Variants in CDH2 observed in about 807,000 individuals in gnomAD.
CDH2 encodes the protein cadherin 2.
Under a neutral mutation model 92.0 loss-of-function variants are expected in CDH2, and 17 were observed. That is an observed-to-expected ratio of 0.18 (90% confidence interval 0.13 to 0.28). The LOEUF (loss-of-function observed/expected upper bound fraction) is 0.28. CDH2 is among the 10% of genes least tolerant of loss of function. The pLI is 1.00. For missense variants in CDH2, 862 were observed against 1,133.1 expected (o/e 0.76, Z 3.44); for synonymous variants, 419 against 415.9 (o/e 1.01, Z -0.09).
At chr18:28,158,533 T>C (rs150251440) in intron 1 of CDH2, among the ~76,000 whole-genome samples, 5 of 152,302 alleles carry the variant, frequency 3.3e-5, no homozygotes, top group African/African-American at 1.2e-4. Context: ...CTTCATTCCA[T>C]GGGAAGGCAC....
chr18:27,941,907 G>T (rs1348355077), intron 6 of CDH2, among the ~76,000 whole-genome samples: 2 of 152,178 alleles, frequency 1.3e-5, no homozygotes, highest in Non-Finnish European at 2.9e-5. Context: ...TTCTTCCAGA[G>T]CTGGCAATTA....
At chr18:28,065,250 A>T (rs2144154732) in intron 2 of CDH2, among the ~76,000 whole-genome samples, 1 of 152,272 alleles carries the variant, frequency 6.6e-6, no homozygotes, top group South Asian at 2.1e-4. Context: ...GAGATGTGAC[A>T]AGATCTAAGC....
chr18:28,136,721 G>A (rs2015868339), intron 2 of CDH2, among the ~76,000 whole-genome samples: 1 of 152,050 alleles, frequency 6.6e-6, no homozygotes, highest in African/African-American at 2.4e-5. Flanking sequence ...GACTAATATG[G>A]TTGACTATCC....
chr18:28,038,146 G>A (rs2013873476), intron 2 of CDH2, among the ~76,000 whole-genome samples: 1 of 152,090 alleles, frequency 6.6e-6, no homozygotes. Context: ...TATGAGGGCT[G>A]GGTGCAGTGG....
At chr18:27,967,679 A>G (rs2011563555) in intron 14 of CDH2, among the ~76,000 whole-genome samples, 2 of 152,222 alleles carry the variant, frequency 1.3e-5, no homozygotes, top group African/African-American at 2.4e-5. Flanking sequence ...TTAATTGGCA[A>G]TCATCATTAA....
intron 7 of CDH2, among the ~76,000 whole-genome samples, chr18:27,999,491 T>C (rs916229376): frequency 6.6e-6 from 1 of 152,120 alleles, no homozygotes; most frequent in African/African-American, 2.4e-5. Context: ...TTATTAGGTT[T>C]GGAAAACAGG....
Position 27,990,454 on chromosome 18 carries a change from T to G in CDH2, c.1345-104A>C, listed in dbSNP as rs1009995484. On this transcript the variant is annotated intron_variant, in intron 9 of 15. Coordinates refer to ENST00000269141, the MANE Select transcript of CDH2 (RefSeq NM_001792.5). The stretch of plus-strand genomic sequence containing the variant: ...CATTTCCAAAAAATTAATTTCTTCA[T>G]TCACTACATAACAAGGTTCCTCTCA... 31 of 1,044,764 alleles carry G rather than the reference T, an allele frequency of 3.0e-5. No homozygotes were observed. The East Asian group carries it at 6.4e-4, about 22-fold the overall frequency. 64.7% of individuals were successfully genotyped at this position (1,044,764 alleles called of 1,614,324 possible). A position where few individuals can be genotyped will look rare whatever the true frequency, so the allele number is the denominator to read the frequency against.
chr18:28,009,514 T>C (rs1028981490), intron 5 of CDH2, among the ~76,000 whole-genome samples: 1 of 152,324 alleles, frequency 6.6e-6, no homozygotes, highest in Non-Finnish European at 1.5e-5. Flanking sequence ...CTTTCTTTGT[T>C]GTGGGCACTA....
At chr18:28,047,645 G>T (rs2014103576) in intron 2 of CDH2, among the ~76,000 whole-genome samples, 1 of 151,994 alleles carries the variant, frequency 6.6e-6, no homozygotes, top group South Asian at 2.1e-4. Context: ...GAGGTGGGTG[G>T]ATCACGAGGT....
Position 27,988,391 on chromosome 18 carries a change from A to C in CDH2, c.1741+133T>G, listed in dbSNP as rs186046852. ...AGAACACCTGTCTGAAATGATAAAT[A>C]AAAGCTGGACCTCGGAATTATAAAA... is the stretch of plus-strand genomic sequence containing the variant. On this transcript the variant is annotated intron_variant, in intron 11 of 15. Coordinates refer to ENST00000269141, the MANE Select transcript of CDH2 (RefSeq NM_001792.5). 532 of 708,518 alleles carry C rather than the reference A, an allele frequency of 7.5e-4. 3 individuals carry two copies. The African/African-American group carries it at 8.3e-3, about 11-fold the overall frequency. 43.9% of individuals were successfully genotyped at this position (708,518 alleles called of 1,614,324 possible).
chr18:28,021,693 A>G (rs1018796884), intron 2 of CDH2, among the ~76,000 whole-genome samples: 1 of 151,924 alleles, frequency 6.6e-6, no homozygotes, highest in African/African-American at 2.4e-5. Flanking sequence ...TTAACAAGAA[A>G]CCACAGATCT....
At chr18:28,142,490 G>GA (rs66679923) in intron 2 of CDH2, among the ~76,000 whole-genome samples, 6,441 of 138,576 alleles carry the variant, frequency 0.046, 402 homozygotes, top group African/African-American at 0.14. Flanking sequence ...GATTGAAATA[G>GA]AAAAAAAAAA....
At chr18:28,020,921 T>A (rs17445882) in intron 2 of CDH2, among the ~76,000 whole-genome samples, 1 of 151,998 alleles carries the variant, frequency 6.6e-6, no homozygotes, top group African/African-American at 2.4e-5. Context: ...TATATGAAAC[T>A]CTGTATTTCT....
At chr18:28,014,368 A>G (rs2013183697) in intron 2 of CDH2, among the ~76,000 whole-genome samples, 1 of 152,184 alleles carries the variant, frequency 6.6e-6, no homozygotes, top group Admixed American at 6.6e-5. Context: ...TGGAAGAGGC[A>G]GTTTGGGGCA....
At chr18:28,012,107 A>G (rs922676412) in intron 3 of CDH2, 115 bp from the exon 4 acceptor site, 7 of 870,668 alleles carry the variant, frequency 8.0e-6, no homozygotes, top group African/African-American at 3.5e-5. Flanking sequence ...TGAACAAAAA[A>G]TAAGTCTGGA....
intron 3 of CDH2, among the ~76,000 whole-genome samples, chr18:28,013,263 G>T (rs2013149055): frequency 6.6e-6 from 1 of 151,972 alleles, no homozygotes; most frequent in South Asian, 2.1e-4. Context: ...GATTATTAAG[G>T]GACAAGACAA....
intron 2 of CDH2, among the ~76,000 whole-genome samples, chr18:28,044,697 A>G (rs2144113952): frequency 6.6e-6 from 1 of 152,228 alleles, no homozygotes; most frequent in Middle Eastern, 3.4e-3. Flanking sequence ...TTTGGGTTCA[A>G]TGGTTCAATG....
chr18:27,944,348 A>G (rs1031602905), intron 6 of CDH2, among the ~76,000 whole-genome samples: 1 of 152,194 alleles, frequency 6.6e-6, no homozygotes, highest in African/African-American at 2.4e-5. Flanking sequence ...GATCAAGTAA[A>G]TTACTGTAGA....
At chr18:28,025,965 T>C (rs1031119134) in intron 2 of CDH2, among the ~76,000 whole-genome samples, 2 of 152,202 alleles carry the variant, frequency 1.3e-5, no homozygotes, top group Non-Finnish European at 2.9e-5. Context: ...GGATCATTAT[T>C]ATATTACCTA....
Sources: allele counts gnomAD v4.1 joint callset (sites outside exome capture counted in the v4.1 genomes callset), GRCh38; gene constraint gnomAD v4.1.1; transcripts MANE v1.5; gene names NCBI Gene and HGNC (gene_info 2026-07-23, HGNC 2026-07-21).